FBXL20: variants seen among roughly 807,000 people sequenced by gnomAD.
The protein encoded by FBXL20 is F-box/LRR-repeat protein 20.
In FBXL20, 11 loss-of-function variants were observed where a neutral mutation model predicts 64.0. That is an observed-to-expected ratio of 0.17 (90% CI 0.11 to 0.28). The LOEUF is 0.28. Among genes scored for constraint, FBXL20 ranks in the 10% least tolerant of loss-of-function variants. The pLI, the probability that FBXL20 is intolerant of heterozygous loss-of-function variation, is 1.00. For missense variants in FBXL20, 303 were observed against 526.2 expected (o/e 0.58, Z 4.15); for synonymous variants, 184 against 189.0 (o/e 0.97, Z 0.22).
chr17:39,361,704 G>A (rs1413993409), intron 1 of FBXL20, among the ~76,000 whole-genome samples: 4 of 152,128 alleles, frequency 2.6e-5, no homozygotes, highest in Non-Finnish European at 2.9e-5. Context: ...GGCTGAGGCA[G>A]GAGAACTGCT....
chr17:39,370,818 A>T lies in FBXL20; in HGVS notation c.43-27577T>A, dbSNP rs1205146128. 3.3e-5 allele frequency among the ~76,000 whole-genome samples: 5 copies of T among 151,984 alleles called. No homozygotes were observed. In the East Asian group the frequency reaches 9.7e-4, roughly 29 times the overall value. On this transcript the variant is annotated intron_variant, in intron 1 of 14. Coordinates refer to ENST00000264658, the MANE Select transcript of FBXL20 (RefSeq NM_032875.3). The stretch of plus-strand genomic sequence containing the variant: ...TCAAAAAAAAAAAAAAAAGAAAAGA[A>T]AACATTGGCAACCTTATATTAGCCC...
chr17:39,380,534 C>G (rs1410353345), intron 1 of FBXL20, among the ~76,000 whole-genome samples: 1 of 152,172 alleles, frequency 6.6e-6, no homozygotes, highest in Non-Finnish European at 1.5e-5. Context: ...TAACTCTGCT[C>G]AAATATTACC....
intron 1 of FBXL20, among the ~76,000 whole-genome samples, chr17:39,378,006 T>G (rs912958002): frequency 3.9e-5 from 6 of 152,150 alleles, no homozygotes; most frequent in Admixed American, 3.3e-4. Flanking sequence ...AGCAAGACCC[T>G]ATCCTCCACC....
Position 39,269,444 on chromosome 17 carries a change from C to T in FBXL20, c.889-573G>A, listed in dbSNP as rs1171872119. Among the ~76,000 whole-genome samples, 9 of 151,718 alleles carry T rather than the reference C, an allele frequency of 5.9e-5. No homozygotes were observed. In the East Asian group the frequency reaches 1.8e-3, roughly 30 times the overall value. On this transcript the variant is annotated intron_variant, in intron 11 of 14. Transcript: ENST00000264658. Reference sequence around the variant, plus strand: ...TCCTGACCTCGTGATCCGCCCGCCTCGGCCTCCCAAAATGCTGGGATTACA... The same window carrying T: ...TCCTGACCTCGTGATCCGCCCGCCTTGGCCTCCCAAAATGCTGGGATTACA...
intron 10 of FBXL20, among the ~76,000 whole-genome samples, chr17:39,272,129 G>A (rs2046849499): frequency 6.6e-6 from 1 of 152,036 alleles, no homozygotes; most frequent in Non-Finnish European, 1.5e-5. Context: ...ACTCACGCCT[G>A]TAATCCCTGC....
intron 1 of FBXL20, among the ~76,000 whole-genome samples, chr17:39,343,470 G>C (rs920107937): frequency 6.6e-6 from 1 of 152,132 alleles, no homozygotes; most frequent in African/African-American, 2.4e-5. Context: ...GATACATTAC[G>C]TGCCAGATAC....
At chr17:39,372,649 CTT>C (rs760793269) in intron 1 of FBXL20, among the ~76,000 whole-genome samples, 92 of 135,858 alleles carry the variant, frequency 6.8e-4, no homozygotes, top group Non-Finnish European at 1.2e-3. Flanking sequence ...GAGTTTCGCT[CTT>C]GTTGCCCAGG....
At chr17:39,314,891 T>C (rs1455040521) in intron 2 of FBXL20, among the ~76,000 whole-genome samples, 2 of 146,076 alleles carry the variant, frequency 1.4e-5, no homozygotes, top group Non-Finnish European at 3.0e-5. Flanking sequence ...TCTACCTCCC[T>C]GGTTCAAACG....
intron 10 of FBXL20, among the ~76,000 whole-genome samples, chr17:39,273,502 C>T (rs1265220050): frequency 1.3e-5 from 2 of 152,080 alleles, no homozygotes; most frequent in Non-Finnish European, 2.9e-5. Flanking sequence ...GTTACTTTGT[C>T]TCTTTGTGCT....
chr17:39,354,444 T>C (rs1477458161), intron 1 of FBXL20, among the ~76,000 whole-genome samples: 11 of 152,198 alleles, frequency 7.2e-5, no homozygotes, highest in Admixed American at 7.2e-4. Flanking sequence ...CCTTCTCCTA[T>C]GAAACCTCAA....
intron 9 of FBXL20, among the ~76,000 whole-genome samples, chr17:39,279,789 T>A (rs546402745): frequency 1.3e-5 from 2 of 151,954 alleles, no homozygotes; most frequent in African/African-American, 4.8e-5. Context: ...TCCCAACTAC[T>A]AGGGAGGCTG....
intron 1 of FBXL20, among the ~76,000 whole-genome samples, chr17:39,391,186 G>A (rs113788974): frequency 1.9e-4 from 29 of 151,524 alleles, no homozygotes; most frequent in Middle Eastern, 6.8e-3. Flanking sequence ...GGTGGCCAAG[G>A]TGGGAGGATT....
At chr17:39,326,607 G>A (rs1295683068) in intron 2 of FBXL20, among the ~76,000 whole-genome samples, 1 of 151,450 alleles carries the variant, frequency 6.6e-6, no homozygotes, top group Non-Finnish European at 1.5e-5. Flanking sequence ...GCGTGACAGA[G>A]CAAGACCCTA....
chr17:39,285,641 A>T (rs2046982418), intron 6 of FBXL20, 68 bp from the exon 7 acceptor site: 1 of 1,025,060 alleles, frequency 9.8e-7, no homozygotes, highest in Non-Finnish European at 1.4e-6. Flanking sequence ...TATATCAGAC[A>T]CTGTTCTTAT....
In FBXL20 at chr17:39,273,688, C is replaced by A. The variant is rs145199238; in HGVS notation, c.827+1282G>T. Among the ~76,000 whole-genome samples the A allele has an allele frequency of 9.9e-4, 150 of 152,054 alleles. 1 individual carries two copies. Among genetic ancestry groups the A allele is most frequent in the African/African-American group, 3.4e-3 (142 of 41,502 alleles). On this transcript the variant is annotated intron_variant, in intron 10 of 14. Coordinates refer to ENST00000264658, the MANE Select transcript of FBXL20 (RefSeq NM_032875.3). ...TACAAAAATTAGCTGGGTGTGGTGA[C>A]ACTCGCCTGTAGTCCCAGCTACTAG...
Position 39,401,503 on chromosome 17 carries a change from C to A in FBXL20, c.-101G>T. On this transcript the variant is annotated 5_prime_UTR_variant, in exon 1 of 15. Coordinates refer to ENST00000264658, the MANE Select transcript of FBXL20 (RefSeq NM_032875.3). ...GGAGTTCCGGGACGGGGACTGGGCG[C>A]CGGAGGGGTGACGCCGGGACCGTGG... is the stretch of plus-strand genomic sequence containing the variant. The A allele has an allele frequency of 6.7e-7, 1 of 1,497,710 alleles. No individual in the cohort carries two copies. The highest frequency in any genetic ancestry group is 2.3e-5 in the Admixed American group (1 of 43,388). 92.8% of individuals were successfully genotyped at this position (1,497,710 alleles called of 1,614,324 possible). A position where few individuals can be genotyped will look rare whatever the true frequency, so the allele number is the denominator to read the frequency against.
At chr17:39,402,361 C>T (rs1037259639), upstream of FBXL20, 35 of 509,494 alleles carry the variant, frequency 6.9e-5, no homozygotes, top group Middle Eastern at 5.4e-4. Flanking sequence ...CCTGGGGGGC[C>T]GGGGCCGGAC....
chr17:39,316,073 G>T (rs2047288650), intron 2 of FBXL20, among the ~76,000 whole-genome samples: 1 of 152,036 alleles, frequency 6.6e-6, no homozygotes, highest in South Asian at 2.1e-4. Context: ...AACAGAGCAA[G>T]ATCCTATCTC....
At chr17:39,345,777 C>T (rs760160547) in intron 1 of FBXL20, among the ~76,000 whole-genome samples, 1 of 152,038 alleles carries the variant, frequency 6.6e-6, no homozygotes, top group Non-Finnish European at 1.5e-5. Flanking sequence ...CTGAGCTCAA[C>T]GGATCCTCCC....
Sources: allele counts gnomAD v4.1 joint callset (sites outside exome capture counted in the v4.1 genomes callset), GRCh38; gene constraint gnomAD v4.1.1; transcripts MANE v1.5; gene names NCBI Gene and HGNC (gene_info 2026-07-23, HGNC 2026-07-21).